Variants in CPNE8 observed in about 807,000 individuals in gnomAD.
CPNE8 encodes the protein copine 8.
Under a neutral mutation model 81.5 loss-of-function variants are expected in CPNE8, and 45 were observed. The ratio of observed to expected loss-of-function variants is 0.55; its 90% CI spans 0.44 to 0.71. CPNE8 has a LOEUF of 0.71. Ranked by LOEUF, CPNE8 falls within the 30% of genes least tolerant of loss-of-function variation. CPNE8 has a pLI of 0.00. For synonymous variants in CPNE8, 252 were observed against 226.3 expected (o/e 1.11, Z -1.02); for missense variants, 594 against 672.1 (o/e 0.88, Z 1.28).
chr12:38,787,492 A>C (rs1380222368), intron 6 of CPNE8, among the ~76,000 whole-genome samples: 1 of 151,438 alleles, frequency 6.6e-6, no homozygotes, highest in Non-Finnish European at 1.5e-5. Context: ...CCATTAAAAA[A>C]AAAAAAAAGA....
chr12:38,817,614 C>CTTTTTTTTTTTTTT (rs869168296), intron 6 of CPNE8, among the ~76,000 whole-genome samples: 12 of 90,610 alleles, frequency 1.3e-4, no homozygotes, highest in Non-Finnish European at 1.8e-4. Context: ...TTAATTTATT[C>CTTTTTTTTTTTTTT]TTTTTTTTTT....
At chr12:38,842,094 C>T (rs1294029227) in intron 4 of CPNE8, among the ~76,000 whole-genome samples, 1 of 151,342 alleles carries the variant, frequency 6.6e-6, no homozygotes. Flanking sequence ...TACTCTCCTT[C>T]GCATCAAGGC....
intron 8 of CPNE8, among the ~76,000 whole-genome samples, chr12:38,764,177 G>C (rs899918296): frequency 6.6e-6 from 1 of 152,126 alleles, no homozygotes; most frequent in African/African-American, 2.4e-5. Flanking sequence ...TTACAAGTAA[G>C]ACAGAGGGGC....
intron 16 of CPNE8, among the ~76,000 whole-genome samples, chr12:38,678,638 C>T (rs557773218): frequency 2.0e-5 from 3 of 151,950 alleles, no homozygotes; most frequent in East Asian, 3.9e-4. Flanking sequence ...TGTCAGGGCA[C>T]AACTTATTTC....
intron 18 of CPNE8, 22 bp downstream of exon 18, chr12:38,675,695 T>C: frequency 1.4e-6 from 2 of 1,437,546 alleles, no homozygotes; most frequent in South Asian, 2.3e-5. Flanking sequence ...CCAAGGAATA[T>C]TATTGAAATT....
chr12:38,844,784 T>C (rs903126208), intron 4 of CPNE8, among the ~76,000 whole-genome samples: 1 of 152,190 alleles, frequency 6.6e-6, no homozygotes, highest in Non-Finnish European at 1.5e-5. Flanking sequence ...AAACCTGTTA[T>C]AATATCCAGT....
At chr12:38,683,506 G>C (rs910935569) in intron 16 of CPNE8, among the ~76,000 whole-genome samples, 1 of 151,962 alleles carries the variant, frequency 6.6e-6, no homozygotes, top group East Asian at 1.9e-4. Context: ...TAACTATGGC[G>C]CTTCTCTTAA....
At chr12:38,808,187 C>T (rs933754345) in intron 6 of CPNE8, among the ~76,000 whole-genome samples, 2 of 152,130 alleles carry the variant, frequency 1.3e-5, no homozygotes, top group Non-Finnish European at 2.9e-5. Context: ...TTGTGGAAGT[C>T]AGCGTGGCTA....
rs984020569 is a variant in CPNE8 at position 38,661,503 on chromosome 12, T to C, written c.1507-7433A>G. 3.9e-5 allele frequency among the ~76,000 whole-genome samples: 6 copies of C among 152,124 alleles called. No individual in the cohort carries two copies. The East Asian group carries it at 1.2e-3, about 29-fold the overall frequency. The stretch of plus-strand genomic sequence containing the variant: ...AGAGAGCATTAGGAGAAATACCTAA[T>C]GTAAATGATGAGTTGATGGGTGCAG... On this transcript the variant is annotated intron_variant, in intron 19 of 19. Coordinates refer to ENST00000331366, the MANE Select transcript of CPNE8 (RefSeq NM_153634.3).
intron 10 of CPNE8, among the ~76,000 whole-genome samples, chr12:38,752,934 G>A (rs1941382548): frequency 6.6e-6 from 1 of 152,102 alleles, no homozygotes; most frequent in African/African-American, 2.4e-5. Context: ...AGCAGAAAAA[G>A]TAATTAATCT....
At chr12:38,870,648 G>C in intron 3 of CPNE8, among the ~76,000 whole-genome samples, 1 of 152,056 alleles carries the variant, frequency 6.6e-6, no homozygotes, top group East Asian at 1.9e-4. Flanking sequence ...GTCGGCGGGT[G>C]GGGGGCTAGG....
chr12:38,672,292 A>G (rs1008533624), intron 18 of CPNE8, among the ~76,000 whole-genome samples: 1 of 152,224 alleles, frequency 6.6e-6, no homozygotes, highest in African/African-American at 2.4e-5. Context: ...AAGGACAGTC[A>G]TTTAGGCAAT....
chr12:38,775,683 G>A (rs1259080813), intron 7 of CPNE8, among the ~76,000 whole-genome samples: 2 of 152,276 alleles, frequency 1.3e-5, no homozygotes. Flanking sequence ...ACTGAAAGTA[G>A]CAATGTTCTA....
At chr12:38,795,862 T>TA (rs1565620157) in intron 6 of CPNE8, among the ~76,000 whole-genome samples, 2,116 of 133,898 alleles carry the variant, frequency 0.016, 48 homozygotes, top group African/African-American at 0.057. Flanking sequence ...GATAGATGGA[T>TA]GGATGGATAG....
At chr12:38,689,685 G>C (rs1016586470) in intron 15 of CPNE8, among the ~76,000 whole-genome samples, 1 of 152,194 alleles carries the variant, frequency 6.6e-6, no homozygotes, top group African/African-American at 2.4e-5. Context: ...TAAGTGAAAA[G>C]CATGCAAGTG....
intron 13 of CPNE8, among the ~76,000 whole-genome samples, chr12:38,703,498 T>A (rs1285312533): frequency 6.6e-6 from 1 of 152,068 alleles, no homozygotes; most frequent in Admixed American, 6.6e-5. Flanking sequence ...ACAGCCAACA[T>A]CATACTGAAT....
intron 5 of CPNE8, among the ~76,000 whole-genome samples, chr12:38,837,346 GA>G (rs994958212): frequency 2.0e-5 from 3 of 151,980 alleles, no homozygotes; most frequent in South Asian, 4.1e-4. Flanking sequence ...GATCTGGAAG[GA>G]AAAAATCATA....
intron 18 of CPNE8, among the ~76,000 whole-genome samples, chr12:38,671,665 T>G (rs1440028285): frequency 6.6e-6 from 1 of 152,154 alleles, no homozygotes; most frequent in East Asian, 1.9e-4. Flanking sequence ...CCGCTTACAA[T>G]TATAATTTTG....
intron 10 of CPNE8, among the ~76,000 whole-genome samples, chr12:38,734,355 C>T (rs972472197): frequency 2.0e-5 from 3 of 152,036 alleles, no homozygotes; most frequent in East Asian, 1.9e-4. Flanking sequence ...ACATATTAAC[C>T]TTCTCTATCT....
Sources: gnomAD v4.1 joint callset for allele counts (sites outside exome capture counted in the v4.1 genomes callset) on GRCh38, gnomAD v4.1.1 for gene constraint, MANE v1.5 for transcripts, NCBI Gene and HGNC (gene_info 2026-07-23, HGNC 2026-07-21) for gene names.